NSD3: variants seen among roughly 807,000 people sequenced by gnomAD.
NSD3 encodes histone-lysine N-methyltransferase NSD3.
Under a neutral mutation model 160.8 loss-of-function variants are expected in NSD3, and 24 were observed. The ratio of observed to expected loss-of-function variants is 0.15; its 90% confidence interval spans 0.11 to 0.21. The LOEUF (loss-of-function observed/expected upper bound fraction) is 0.21. Ranked by LOEUF, NSD3 falls within the 10% of genes least tolerant of loss-of-function variation. The pLI is 1.00. For synonymous variants in NSD3, 520 were observed against 600.0 expected, an observed-to-expected ratio of 0.87 and a Z score of 1.95; for missense variants, 1,157 against 1,735.9, an observed-to-expected ratio of 0.67 and a Z score of 5.93.
chr8:38,348,560 T>C (rs1810590654), intron 1 of NSD3, among the ~76,000 whole-genome samples: 1 of 152,218 alleles, frequency 6.6e-6, no homozygotes, highest in Admixed American at 6.5e-5. Context: ...AAATAAGCAG[T>C]GTCCTGACAC....
chr8:38,369,341 T>C (rs950863459), intron 1 of NSD3, among the ~76,000 whole-genome samples: 2 of 152,164 alleles, frequency 1.3e-5, no homozygotes, highest in African/African-American at 4.8e-5. Context: ...AATAAAACAG[T>C]GGAAGTAAAA....
intron 14 of NSD3, chr8:38,303,077 G>A (rs894289455): frequency 1.6e-5 from 4 of 251,330 alleles, no homozygotes; most frequent in Admixed American, 1.3e-4. Context: ...ATTAAAATGC[G>A]GGCTAAATTA....
intron 15 of NSD3, among the ~76,000 whole-genome samples, chr8:38,298,810 T>C (rs905007081): frequency 6.6e-6 from 1 of 152,246 alleles, no homozygotes; most frequent in Non-Finnish European, 1.5e-5. Context: ...AATATCCATT[T>C]AGCTCTTGGT....
At chr8:38,339,151 A>AC (rs1810298641) in intron 2 of NSD3, among the ~76,000 whole-genome samples, 3 of 150,854 alleles carry the variant, frequency 2.0e-5, no homozygotes, top group East Asian at 1.9e-4. Flanking sequence ...AAAAAAAAAA[A>AC]CAAAAAAAAA....
chr8:38,295,649 C>T lies in NSD3; in HGVS notation c.2915+147G>A, dbSNP rs1057278840. On this transcript the variant is annotated intron_variant, in intron 16 of 23. Coordinates refer to ENST00000317025, the MANE Select transcript of NSD3 (RefSeq NM_023034.2). ...CTTCCCAACCCCTTAAGAACCCAGCCTCAAAACATGGTTCTTTTCTTTTTT... is the reference window on the plus strand; with the variant it reads ...CTTCCCAACCCCTTAAGAACCCAGCTTCAAAACATGGTTCTTTTCTTTTTT... 5.4e-6 allele frequency: 4 copies of T among 744,848 alleles called. No individual in the cohort carries two copies. The African/African-American group carries it at 5.5e-5, about 10-fold the overall frequency. The allele number at this position is 744,848 out of a possible 1,614,324, so 46.1% of individuals were successfully genotyped here. A position where few individuals can be genotyped will look rare whatever the true frequency, so the allele number is the denominator to read the frequency against.
chr8:38,344,054 C>G (rs574668169), intron 2 of NSD3, among the ~76,000 whole-genome samples: 281 of 152,266 alleles, frequency 1.8e-3, no homozygotes, highest in African/African-American at 6.5e-3. Flanking sequence ...GGAAAAACAG[C>G]TCATGCAGAT....
intron 1 of NSD3, among the ~76,000 whole-genome samples, chr8:38,349,107 A>T (rs996575683): frequency 5.3e-5 from 8 of 152,216 alleles, no homozygotes; most frequent in Non-Finnish European, 8.8e-5. Context: ...AATTTTTAAA[A>T]TAGGGCTTAT....
chr8:38,323,821 C>CAAAA (rs397891214), intron 7 of NSD3, among the ~76,000 whole-genome samples: 1 of 72,238 alleles, frequency 1.4e-5, no homozygotes, highest in African/African-American at 5.3e-5. Context: ...GACCCTGTCT[C>CAAAA]AAAAAAAAAA....
Position 38,321,011 on chromosome 8 carries a change from G to T in NSD3, c.1809+61C>A, listed in dbSNP as rs781686109. 12 of 1,475,762 alleles carry T rather than the reference G, an allele frequency of 8.1e-6. No homozygotes were observed. The highest frequency in any genetic ancestry group is 1.1e-5 in the Non-Finnish European group (12 of 1,060,530). The allele number at this position is 1,475,762 out of a possible 1,614,324, so 91.4% of individuals were successfully genotyped here. On this transcript the variant is annotated intron_variant, in intron 8 of 23. Coordinates refer to ENST00000317025, the MANE Select transcript of NSD3 (RefSeq NM_023034.2). The surrounding 1 kb of genome is among the most constrained non-coding windows in gnomAD (Gnocchi z 4.7). ...AAAGTTTCTCTTTCTTTTAAGACAGGAATGTAAGCCACAACATTTACAAAT... is the reference window on the plus strand; with the variant it reads ...AAAGTTTCTCTTTCTTTTAAGACAGTAATGTAAGCCACAACATTTACAAAT...
chr8:38,374,520 G>A (rs1246735665), intron 1 of NSD3, among the ~76,000 whole-genome samples: 1 of 152,090 alleles, frequency 6.6e-6, no homozygotes, highest in Non-Finnish European at 1.5e-5. Flanking sequence ...TACTAGAGAA[G>A]CTGAGACATG....
Position 38,316,697 on chromosome 8 carries a change from A to T in NSD3, c.1856-655T>A. On this transcript the variant is annotated intron_variant, in intron 9 of 23. Coordinates refer to ENST00000317025, the MANE Select transcript of NSD3 (RefSeq NM_023034.2). This position sits in a 1 kb window ranked among gnomAD's most constrained non-coding sequence, Gnocchi z 4.5. Reference sequence around the variant, plus strand: ...ACATTGCTGAGGGCTGTAAATGGACAATCAGTGTTCAAGTGCAGCCAAATC... The same window carrying T: ...ACATTGCTGAGGGCTGTAAATGGACTATCAGTGTTCAAGTGCAGCCAAATC... The T allele has an allele frequency of 1.9e-6, 2 of 1,055,956 alleles. No homozygotes were observed. The highest frequency in any genetic ancestry group is 2.3e-6 in the Non-Finnish European group (2 of 873,378). 65.4% of individuals were successfully genotyped at this position (1,055,956 alleles called of 1,614,324 possible). A position where few individuals can be genotyped will look rare whatever the true frequency, so the allele number is the denominator to read the frequency against.
Position 38,275,518 on chromosome 8 carries a change from AT to A in NSD3, c.*122del. 2.2e-6 allele frequency: 2 copies of A among 923,628 alleles called. No individual in the cohort carries two copies. 57.2% of individuals were successfully genotyped at this position (923,628 alleles called of 1,614,324 possible). A position where few individuals can be genotyped will look rare whatever the true frequency, so the allele number is the denominator to read the frequency against. The stretch of plus-strand genomic sequence containing the variant: ...TTCTGCCTGCATGAACTGGTTTCCC[AT>A]TTTTGCTTTAATAAGGCAGTTCCGA... On this transcript the variant is annotated 3_prime_UTR_variant, in exon 24 of 24. Transcript: ENST00000317025.
At position 38,337,295 on chromosome 8, in the gene NSD3, CT is replaced by C; in HGVS notation, c.910+9del. Reference sequence around the variant, plus strand: ...CCTTTTACTTAGTATCTGTTTATGCCTTTTCTTACCTCTTGTGTTAATTTTA... The same window carrying C: ...CCTTTTACTTAGTATCTGTTTATGCCTTTCTTACCTCTTGTGTTAATTTTA... On this transcript the variant is annotated intron_variant, in intron 4 of 23. Transcript: ENST00000317025. 1 of 1,588,734 alleles carries C rather than the reference CT, an allele frequency of 6.3e-7. No individual in the cohort carries two copies. Among genetic ancestry groups the C allele is most frequent in the Non-Finnish European group, 8.5e-7 (1 of 1,170,928 alleles).
chr8:38,338,305 G>C (rs202179154), intron 3 of NSD3, among the ~76,000 whole-genome samples: 3 of 96,314 alleles, frequency 3.1e-5, no homozygotes, highest in Non-Finnish European at 2.2e-5. Flanking sequence ...GTCTCAAAAA[G>C]AAAAAAAAAA....
rs527439639 is a variant in NSD3, at chr8:38,366,424, T to C, written c.-45+15375A>G. ...TGTTCACATCTACTTAATTCTTTTT[T>C]TTTTTTTTTTGAGATAGAGTCTCTG... is the stretch of plus-strand genomic sequence containing the variant. On this transcript the variant is annotated intron_variant, in intron 1 of 23. Transcript: ENST00000317025. Among the ~76,000 whole-genome samples, 4 of 150,584 alleles carry C rather than the reference T, an allele frequency of 2.7e-5. 1 individual carries two copies. The South Asian group carries it at 8.4e-4, about 32-fold the overall frequency.
intron 12 of NSD3, among the ~76,000 whole-genome samples, chr8:38,313,324 G>A (rs1046768368): frequency 6.6e-6 from 1 of 152,054 alleles, no homozygotes; most frequent in East Asian, 1.9e-4. Context: ...AAATAAATCT[G>A]GAGTCCAGCT....
rs908002546 is a variant in NSD3, at chr8:38,270,867, C to T, written c.*4774G>A. 3 of 152,208 alleles carry T rather than the reference C, an allele frequency of 2.0e-5. No homozygotes were observed. The highest frequency in any genetic ancestry group is 4.4e-5 in the Non-Finnish European group (3 of 68,040). 9.4% of individuals were successfully genotyped at this position (152,208 alleles called of 1,614,324 possible). A position where few individuals can be genotyped will look rare whatever the true frequency, so the allele number is the denominator to read the frequency against. On this transcript the variant is annotated 3_prime_UTR_variant, in exon 24 of 24. Transcript: ENST00000317025. Reference sequence around the variant, plus strand: ...TCATCCCCCTCCCGCTTCATACATACGTGCCACAAGCACCCAAACTTGTCA... The same window carrying T: ...TCATCCCCCTCCCGCTTCATACATATGTGCCACAAGCACCCAAACTTGTCA...
intron 19 of NSD3, among the ~76,000 whole-genome samples, chr8:38,287,802 G>A (rs1171096573): frequency 3.3e-5 from 5 of 151,974 alleles, no homozygotes; most frequent in African/African-American, 1.2e-4. Flanking sequence ...ACAGGTGCCC[G>A]CTACCACGCC....
intron 12 of NSD3, among the ~76,000 whole-genome samples, chr8:38,311,723 C>T (rs1480576167): frequency 6.6e-6 from 1 of 152,140 alleles, no homozygotes; most frequent in Non-Finnish European, 1.5e-5. Context: ...TATTTTCTCC[C>T]ATTCTGAGGG....
Sources: allele counts gnomAD v4.1 joint callset (sites outside exome capture counted in the v4.1 genomes callset), GRCh38; gene constraint gnomAD v4.1.1; non-coding constraint Gnocchi (gnomAD v3.1); transcripts MANE v1.5; gene names NCBI Gene and HGNC (gene_info 2026-07-23, HGNC 2026-07-21).